The following BCAS3 variants were observed in gnomAD, a reference collection of about 807,000 sequenced individuals.
BCAS3 encodes the protein BCAS3 microtubule associated cell migration factor.
BCAS3 carries 53 observed loss-of-function variants against 116.1 expected under a neutral mutation model. That is an observed-to-expected ratio of 0.46 (90% confidence interval 0.37 to 0.57). BCAS3 has a LOEUF of 0.57. Among genes scored for constraint, BCAS3 ranks in the 20% least tolerant of loss-of-function variants. BCAS3 has a pLI of 0.00. For synonymous variants in BCAS3, 391 were observed against 408.2 expected, an observed-to-expected ratio of 0.96 and a Z score of 0.51; for missense variants, 917 against 1,165.4, an observed-to-expected ratio of 0.79 and a Z score of 3.10.
At chr17:61,341,587 A>G (rs2057156188) in intron 22 of BCAS3, among the ~76,000 whole-genome samples, 1 of 152,198 alleles carries the variant, frequency 6.6e-6, no homozygotes, top group Non-Finnish European at 1.5e-5. Flanking sequence ...CTCCAAGTTC[A>G]GTGCTCTTTC....
rs892110567 is a variant in BCAS3 at position 61,361,105 on chromosome 17, T to C, written c.2426-7222T>C. ...AACTATTAGTGCCAATGTGAACCCC[T>C]TAAATGGGCATCATTTATTTATTTT... On this transcript the variant is annotated intron_variant, in intron 22 of 23. Transcript: ENST00000407086. This position sits in a 1 kb window ranked among gnomAD's most constrained non-coding sequence, Gnocchi z 6.5. Among the ~76,000 whole-genome samples, 9 of 152,046 alleles carry C rather than the reference T, an allele frequency of 5.9e-5. No homozygotes were observed. The highest frequency in any genetic ancestry group is 2.2e-4 in the African/African-American group (9 of 41,382).
intron 19 of BCAS3, among the ~76,000 whole-genome samples, chr17:61,052,461 C>T (rs1421680079): frequency 1.3e-5 from 2 of 151,780 alleles, no homozygotes; most frequent in Non-Finnish European, 2.9e-5. Flanking sequence ...GGCAGCACGA[C>T]GTGTTAGAAG....
chr17:61,275,117 C>T (rs1193675518), intron 22 of BCAS3, among the ~76,000 whole-genome samples: 3 of 152,162 alleles, frequency 2.0e-5, no homozygotes, highest in African/African-American at 7.2e-5. Context: ...TCCCAAAGTA[C>T]TAGGATTACA....
chr17:60,713,164 T>C (rs1378420613), intron 5 of BCAS3, among the ~76,000 whole-genome samples: 1 of 152,166 alleles, frequency 6.6e-6, no homozygotes, highest in Non-Finnish European at 1.5e-5. Context: ...AAGTCCTTGG[T>C]TCTGAGGACT....
rs372949010 is a variant in BCAS3, at chr17:60,807,956, A to C, written c.404-48A>C. 2.5e-5 allele frequency: 32 copies of C among 1,298,586 alleles called. No individual in the cohort carries two copies. In the African/African-American group the frequency reaches 4.4e-4, roughly 18 times the overall value. The allele number at this position is 1,298,586 out of a possible 1,614,324, so 80.4% of individuals were successfully genotyped here. A position where few individuals can be genotyped will look rare whatever the true frequency, so the allele number is the denominator to read the frequency against. On this transcript the variant is annotated intron_variant, in intron 6 of 23. Transcript: ENST00000407086. The stretch of plus-strand genomic sequence containing the variant: ...AAAGCATGAAAATAGTGGGAATTAT[A>C]CAATAATATTCCTCAAAGCTTACAA...
intron 14 of BCAS3, among the ~76,000 whole-genome samples, chr17:60,975,806 T>C (rs995204078): frequency 6.6e-5 from 10 of 152,158 alleles, no homozygotes; most frequent in Non-Finnish European, 1.5e-4. Context: ...TGGCCTTTTA[T>C]GTCTTGTTTC....
chr17:61,282,524 G>A lies in BCAS3; in HGVS notation c.2426-85803G>A, dbSNP rs2051327135. On this transcript the variant is annotated intron_variant, in intron 22 of 23. Transcript: ENST00000407086. The surrounding 1 kb of genome is among the most constrained non-coding windows in gnomAD (Gnocchi z 5.9). ...CAAAGTCTTCTGGGAACTAAAGTTG[G>A]TTTCGTTGGCTTACTCTTAGACAGA... Among the ~76,000 whole-genome samples the A allele has an allele frequency of 6.6e-6, 1 of 152,230 alleles. No individual in the cohort carries two copies. The highest frequency in any genetic ancestry group is 2.1e-4 in the South Asian group (1 of 4,832).
At chr17:60,737,214 A>G (rs2041073112) in intron 5 of BCAS3, among the ~76,000 whole-genome samples, 1 of 151,990 alleles carries the variant, frequency 6.6e-6, no homozygotes, top group African/African-American at 2.4e-5. Context: ...TGCTGGGATT[A>G]CAGGTGTGAG....
chr17:60,765,219 A>T (rs8066597), intron 6 of BCAS3, among the ~76,000 whole-genome samples: 41,717 of 152,072 alleles, frequency 0.27, 11,438 homozygotes, highest in African/African-American at 0.71. Context: ...ATGTGTGAAT[A>T]TGATCCTGTC....
intron 21 of BCAS3, among the ~76,000 whole-genome samples, chr17:61,081,222 A>AT (rs950365446): frequency 2.0e-5 from 3 of 151,926 alleles, no homozygotes; most frequent in Non-Finnish European, 4.4e-5. Context: ...ACACTGTCTC[A>AT]TTTTTTTTCT....
intron 12 of BCAS3, among the ~76,000 whole-genome samples, chr17:60,923,707 T>G (rs2059221124): frequency 6.6e-6 from 1 of 152,188 alleles, no homozygotes; most frequent in Admixed American, 6.5e-5. Context: ...TTGTTGAACT[T>G]ATGATGGGAA....
chr17:60,804,254 G>A (rs552530037), intron 6 of BCAS3, among the ~76,000 whole-genome samples: 51 of 151,000 alleles, frequency 3.4e-4, no homozygotes, highest in African/African-American at 1.1e-3. Context: ...AGGCTGAGGC[G>A]GGTGGATCAT....
chr17:60,963,899 T>C (rs2061534748), intron 14 of BCAS3, among the ~76,000 whole-genome samples: 1 of 152,228 alleles, frequency 6.6e-6, no homozygotes, highest in African/African-American at 2.4e-5. Context: ...CTTGCAACTT[T>C]ACTGAATTTG....
chr17:60,779,074 T>C (rs1376962432), intron 6 of BCAS3, among the ~76,000 whole-genome samples: 1 of 152,168 alleles, frequency 6.6e-6, no homozygotes, highest in African/African-American at 2.4e-5. Context: ...CCACATTGTA[T>C]TACAGGTTGA....
rs1289997890 is a variant in BCAS3, at chr17:61,344,455, A to G, written c.2426-23872A>G. ...TCATTTAAGTCCTTGATTCTCTGAG[A>G]CCACTATAGAGACTTTAAAGAAGGT... On this transcript the variant is annotated intron_variant, in intron 22 of 23. Coordinates refer to ENST00000407086, the MANE Select transcript of BCAS3 (RefSeq NM_017679.5). The surrounding 1 kb of genome is among the most constrained non-coding windows in gnomAD (Gnocchi z 4.1). Among the ~76,000 whole-genome samples the G allele has an allele frequency of 1.3e-5, 2 of 152,132 alleles. No homozygotes were observed. The highest frequency in any genetic ancestry group is 4.8e-5 in the African/African-American group (2 of 41,420).
At chr17:60,840,355 C>A (rs1038956440) in intron 7 of BCAS3, among the ~76,000 whole-genome samples, 2 of 152,106 alleles carry the variant, frequency 1.3e-5, no homozygotes, top group Non-Finnish European at 2.9e-5. Context: ...TACCATCTTT[C>A]ATGCATTATA....
rs1371377675 is a variant in BCAS3, at chr17:61,323,958, G to C, written c.2426-44369G>C. 6.6e-6 allele frequency among the ~76,000 whole-genome samples: 1 copy of C among 152,260 alleles called. No individual in the cohort carries two copies. Among genetic ancestry groups the C allele is most frequent in the Non-Finnish European group, 1.5e-5 (1 of 68,050 alleles). ...GGAAAATGATAGCTCATTGTCAAAG[G>C]TTGGGCGGGAGACGAGGTAAGAACT... On this transcript the variant is annotated intron_variant, in intron 22 of 23. Coordinates refer to ENST00000407086, the MANE Select transcript of BCAS3 (RefSeq NM_017679.5). This position sits in a 1 kb window ranked among gnomAD's most constrained non-coding sequence, Gnocchi z 4.6.
At chr17:61,014,702 T>G (rs573810759) in intron 15 of BCAS3, among the ~76,000 whole-genome samples, 39 of 151,580 alleles carry the variant, frequency 2.6e-4, no homozygotes, top group Middle Eastern at 3.4e-3. Context: ...ACTATCTGTT[T>G]TTTGAGGATG....
rs1331176563 is a variant in BCAS3, at chr17:61,281,436, TAA to T, written c.2426-86890_2426-86889del. Among the ~76,000 whole-genome samples, 1 of 152,216 alleles carries T rather than the reference TAA, an allele frequency of 6.6e-6. No individual in the cohort carries two copies. The highest frequency in any genetic ancestry group is 2.4e-5 in the African/African-American group (1 of 41,460). The stretch of plus-strand genomic sequence containing the variant: ...AAATTTTCCATCATAGTCACCATAC[TAA>T]GTTATACTCCCACCCCCAGGTATGA... On this transcript the variant is annotated intron_variant, in intron 22 of 23. Transcript: ENST00000407086. This position sits in a 1 kb window ranked among gnomAD's most constrained non-coding sequence, Gnocchi z 4.2.
Sources: allele counts gnomAD v4.1 joint callset (sites outside exome capture counted in the v4.1 genomes callset), GRCh38; gene constraint gnomAD v4.1.1; non-coding constraint Gnocchi (gnomAD v3.1); transcripts MANE v1.5; gene names NCBI Gene and HGNC (gene_info 2026-07-23, HGNC 2026-07-21).